SIPA1L1: variants seen among roughly 807,000 people sequenced by gnomAD.
SIPA1L1 encodes signal-induced proliferation-associated 1-like protein 1.
SIPA1L1 carries 26 observed loss-of-function variants against 162.7 expected under a neutral mutation model. The observed-to-expected ratio is 0.16, with a 90% CI of 0.12 to 0.22. SIPA1L1 has a LOEUF of 0.22. SIPA1L1 is among the 10% of genes least tolerant of loss of function. The pLI, the probability that SIPA1L1 is intolerant of heterozygous loss-of-function variation, is 1.00. For missense variants in SIPA1L1, 1,874 were observed against 2,241.0 expected (o/e 0.84, Z 3.31); for synonymous variants, 829 against 837.4 (o/e 0.99, Z 0.17).
intron 5 of SIPA1L1, among the ~76,000 whole-genome samples, chr14:71,594,427 T>G (rs897040731): frequency 2.0e-5 from 3 of 151,908 alleles, no homozygotes; most frequent in Non-Finnish European, 4.4e-5. Flanking sequence ...GTTTATTCAG[T>G]TTTTTTTGCT....
At chr14:71,435,287 T>C (rs530800211) in intron 2 of SIPA1L1, among the ~76,000 whole-genome samples, 1 of 152,242 alleles carries the variant, frequency 6.6e-6, no homozygotes, top group East Asian at 1.9e-4. Flanking sequence ...TAATTCATCA[T>C]TTACATTAGG....
intron 2 of SIPA1L1, among the ~76,000 whole-genome samples, chr14:71,439,751 G>A (rs1052450329): frequency 2.6e-5 from 4 of 152,044 alleles, no homozygotes; most frequent in African/African-American, 9.7e-5. Flanking sequence ...TAGGTAAAAC[G>A]TTTTCTTTTG....
chr14:71,603,802 C>T (rs1423842265), intron 5 of SIPA1L1, among the ~76,000 whole-genome samples: 6 of 151,370 alleles, frequency 4.0e-5, no homozygotes, highest in African/African-American at 1.2e-4. Context: ...GTAATCCCAG[C>T]TACTCAGGAG....
Position 71,427,330 on chromosome 14 carries a change from G to GT in SIPA1L1, c.-464-85407dup, listed in dbSNP as rs577560943. ...TTCTGGTTGATAGGTTTGTTTGTTT[G>GT]TTTTTTGCACTTTGAATATATCTTC... is the stretch of plus-strand genomic sequence containing the variant. On this transcript the variant is annotated intron_variant, in intron 2 of 23. Coordinates refer to ENST00000381232, the MANE Select transcript of SIPA1L1 (RefSeq NM_001386936.1). Among the ~76,000 whole-genome samples the GT allele has an allele frequency of 1.1e-4, 16 of 151,998 alleles. No homozygotes were observed. In the South Asian group the frequency reaches 3.3e-3, roughly 32 times the overall value.
At chr14:71,402,696 T>C (rs1001928552) in intron 2 of SIPA1L1, among the ~76,000 whole-genome samples, 3 of 152,120 alleles carry the variant, frequency 2.0e-5, no homozygotes, top group Non-Finnish European at 4.4e-5. Flanking sequence ...CTTCCTAAAA[T>C]AGAGATAATG....
At chr14:71,493,724 T>C (rs1209097776) in intron 2 of SIPA1L1, among the ~76,000 whole-genome samples, 1 of 152,246 alleles carries the variant, frequency 6.6e-6, no homozygotes, top group East Asian at 1.9e-4. Flanking sequence ...GCTGATACTA[T>C]AAAGTCTATA....
chr14:71,384,820 G>C lies in SIPA1L1; in HGVS notation c.-465+63639G>C, dbSNP rs74060350. ...ATGTCTTCTGTAGTCAGCCTGACCC[G>C]CGTTTCCTTTTGACTGTCTCCTTCA... On this transcript the variant is annotated intron_variant, in intron 2 of 23. Transcript: ENST00000381232. 3.9e-3 allele frequency among the ~76,000 whole-genome samples: 593 copies of C among 152,284 alleles called. 6 individuals carry two copies. The highest frequency in any genetic ancestry group is 0.014 in the African/African-American group (572 of 41,558).
intron 5 of SIPA1L1, among the ~76,000 whole-genome samples, chr14:71,596,712 G>A (rs1049483674): frequency 6.6e-6 from 1 of 152,046 alleles, no homozygotes; most frequent in African/African-American, 2.4e-5. Flanking sequence ...AGATGAATGG[G>A]AAGCTATTAA....
intron 2 of SIPA1L1, among the ~76,000 whole-genome samples, chr14:71,338,916 T>A (rs951373736): frequency 1.3e-5 from 2 of 151,980 alleles, no homozygotes; most frequent in African/African-American, 4.8e-5. Flanking sequence ...CTTTTTGTAT[T>A]TTTAGCAGAG....
chr14:71,726,045 C>T (rs915234410), intron 19 of SIPA1L1, among the ~76,000 whole-genome samples: 5 of 152,132 alleles, frequency 3.3e-5, no homozygotes, highest in Non-Finnish European at 2.9e-5. Flanking sequence ...TGTGCGTGTG[C>T]ATGCATCTCC....
chr14:71,359,300 A>G (rs761814895), intron 2 of SIPA1L1, among the ~76,000 whole-genome samples: 7 of 152,284 alleles, frequency 4.6e-5, no homozygotes, highest in African/African-American at 1.7e-4. Context: ...ACCTTCCGCC[A>G]TGATTGTGTG....
chr14:71,686,964 G>A (rs983768589), intron 13 of SIPA1L1, among the ~76,000 whole-genome samples: 1 of 152,170 alleles, frequency 6.6e-6, no homozygotes, highest in African/African-American at 2.4e-5. Flanking sequence ...AATCATCACC[G>A]CTCCAGTTTG....
intron 4 of SIPA1L1, among the ~76,000 whole-genome samples, chr14:71,535,609 T>TC (rs1434712662): frequency 6.6e-6 from 1 of 152,040 alleles, no homozygotes; most frequent in African/African-American, 2.4e-5. Flanking sequence ...GGTTTTTTTT[T>TC]TTTCCTTTTT....
chr14:71,707,674 A>G (rs963684184), intron 16 of SIPA1L1, among the ~76,000 whole-genome samples: 1 of 152,054 alleles, frequency 6.6e-6, no homozygotes, highest in Non-Finnish European at 1.5e-5. Context: ...CATTTTACGG[A>G]TATACCCTAT....
At chr14:71,569,793 C>T (rs1272034448) in intron 4 of SIPA1L1, among the ~76,000 whole-genome samples, 1 of 152,232 alleles carries the variant, frequency 6.6e-6, no homozygotes, top group Admixed American at 6.5e-5. Flanking sequence ...GACATTGCCA[C>T]TGTCAGTACT....
In SIPA1L1 at chr14:71,671,165, A is replaced by G. The variant is rs377238663; in HGVS notation, c.2302A>G (p.Ile768Val). The G allele has an allele frequency of 1.2e-6, 2 of 1,613,416 alleles. No individual in the cohort carries two copies. The highest frequency in any genetic ancestry group is 1.7e-6 in the Non-Finnish European group (2 of 1,179,590). The change falls in exon 11 of 24, where the codon ATT (isoleucine) becomes GTT (valine). Residue 768 changes from isoleucine (I) to valine (V), a missense_variant. Physicochemically the swap from Ile to Val is conservative, Grantham distance 29. Transcript: ENST00000381232. The part of the protein sequence containing the change: ...SRDVPSFGPP[I>V]PKGVTFPKSN... ...AGATGTGCCTTCCTTTGGGCCTCCCATTCCTAAAGGGGTCACTTTCCCTAA... is the reference window on the plus strand; with the variant it reads ...AGATGTGCCTTCCTTTGGGCCTCCCGTTCCTAAAGGGGTCACTTTCCCTAA...
chr14:71,536,036 C>T (rs183309498), intron 4 of SIPA1L1, among the ~76,000 whole-genome samples: 1 of 151,734 alleles, frequency 6.6e-6, no homozygotes, highest in African/African-American at 2.4e-5. Context: ...CTTAACAATG[C>T]TACATTGTAA....
chr14:71,383,868 G>A (rs1276828460), intron 2 of SIPA1L1, among the ~76,000 whole-genome samples: 4 of 152,148 alleles, frequency 2.6e-5, no homozygotes, highest in African/African-American at 2.4e-5. Context: ...ATTTCAACAG[G>A]AGATTTGGAA....
chr14:71,576,932 A>G (rs2147166623), intron 4 of SIPA1L1, among the ~76,000 whole-genome samples: 1 of 152,080 alleles, frequency 6.6e-6, no homozygotes, highest in East Asian at 1.9e-4. Context: ...AAAATATAAA[A>G]ATTAGCCAGG....
Sources: gnomAD v4.1 joint callset for allele counts (sites outside exome capture counted in the v4.1 genomes callset) on GRCh38, gnomAD v4.1.1 for gene constraint, MANE v1.5 for transcripts, NCBI Gene and HGNC (gene_info 2026-07-23, HGNC 2026-07-21) for gene names.